SYT1: variants seen among roughly 807,000 people sequenced by gnomAD.
SYT1 encodes the protein synaptotagmin 1.
In SYT1, 8 loss-of-function variants were observed where a neutral mutation model predicts 44.8. That is an observed-to-expected ratio of 0.18 (90% CI 0.10 to 0.32). The LOEUF is 0.32. SYT1 is among the 10% of genes least tolerant of loss of function. The probability of loss-of-function intolerance (pLI) is 1.00; values close to 1 mark genes in which losing one functional copy is unlikely to be tolerated. For missense variants in SYT1, 286 were observed against 509.3 expected (o/e 0.56, Z 4.22); for synonymous variants, 154 against 188.8 (o/e 0.82, Z 1.51).
chr12:79,140,841 CT>C (rs923347398), intron 3 of SYT1, among the ~76,000 whole-genome samples: 5 of 152,222 alleles, frequency 3.3e-5, no homozygotes, highest in Non-Finnish European at 7.3e-5. Context: ...GCCAGCACCC[CT>C]GTGACCATTA....
chr12:79,191,778 C>T (rs1431110491), intron 3 of SYT1, among the ~76,000 whole-genome samples: 1 of 151,902 alleles, frequency 6.6e-6, no homozygotes, highest in Non-Finnish European at 1.5e-5. Context: ...TCCTTTAATC[C>T]TCATGTAACC....
chr12:79,295,335 G>A (rs933544761), intron 6 of SYT1, among the ~76,000 whole-genome samples: 2 of 151,958 alleles, frequency 1.3e-5, no homozygotes, highest in Non-Finnish European at 2.9e-5. Context: ...TAAGAAAACA[G>A]ACTTAAAGAA....
At chr12:79,180,756 A>G (rs779754044) in intron 3 of SYT1, among the ~76,000 whole-genome samples, 5 of 152,010 alleles carry the variant, frequency 3.3e-5, no homozygotes, top group Non-Finnish European at 5.9e-5. Flanking sequence ...TTCATGAGAA[A>G]TCACCCCTAT....
intron 3 of SYT1, among the ~76,000 whole-genome samples, chr12:79,121,498 T>A (rs939518370): frequency 6.6e-6 from 1 of 152,206 alleles, no homozygotes. Flanking sequence ...TGCTAGCCTC[T>A]CTCTGATTCT....
At chr12:79,303,433 T>A (rs976149998) in intron 8 of SYT1, among the ~76,000 whole-genome samples, 1 of 152,104 alleles carries the variant, frequency 6.6e-6, no homozygotes, top group East Asian at 1.9e-4. Context: ...CGCCCTGATA[T>A]GCTGCAAGCT....
intron 8 of SYT1, among the ~76,000 whole-genome samples, chr12:79,300,789 T>TTTTATTTATATA (rs1490670835): frequency 1.1e-4 from 10 of 89,610 alleles, no homozygotes; most frequent in African/African-American, 4.1e-4. Context: ...TGTATACTTA[T>TTTTATTTATATA]TATATATATA....
At chr12:79,118,349 T>G (rs998097844) in intron 3 of SYT1, among the ~76,000 whole-genome samples, 1 of 152,202 alleles carries the variant, frequency 6.6e-6, no homozygotes. Flanking sequence ...TTTCAAAGTT[T>G]GGGTTGTGCA....
intron 10 of SYT1, among the ~76,000 whole-genome samples, chr12:79,445,664 A>G (rs1870667182): frequency 6.6e-6 from 1 of 151,704 alleles, no homozygotes; most frequent in South Asian, 2.1e-4. Flanking sequence ...TCCATTGTGT[A>G]TATGTACCAC....
intron 1 of SYT1, among the ~76,000 whole-genome samples, chr12:78,876,830 G>A (rs1458013363): frequency 3.5e-4 from 8 of 23,108 alleles, no homozygotes; most frequent in African/African-American, 9.3e-4. Context: ...TATATTATAT[G>A]TATTATATAT....
At chr12:79,270,943 C>A (rs902446753) in intron 4 of SYT1, among the ~76,000 whole-genome samples, 10 of 152,208 alleles carry the variant, frequency 6.6e-5, no homozygotes, top group Non-Finnish European at 1.5e-4. Context: ...ATGCGTAGAA[C>A]CGCATAGAGC....
intron 3 of SYT1, among the ~76,000 whole-genome samples, chr12:79,112,460 G>T (rs141599151): frequency 5.7e-4 from 86 of 152,182 alleles, no homozygotes; most frequent in African/African-American, 2.0e-3. Context: ...TTCATAATTT[G>T]ATAAGCCATG....
At position 79,086,740 on chromosome 12, in the gene SYT1, T is replaced by C. The variant is rs73353556; in HGVS notation, c.-18+39378T>C. Among the ~76,000 whole-genome samples the C allele has an allele frequency of 7.9e-3, 1,198 of 152,272 alleles. 19 individuals are homozygous for C. Among genetic ancestry groups the C allele is most frequent in the African/African-American group, 0.027 (1,139 of 41,550 alleles). ...CAAATATCATTGGTGCAAGGTGCCT[T>C]TCTGTGTGCCTGGCTGAGCAGCTTC... is the stretch of plus-strand genomic sequence containing the variant. On this transcript the variant is annotated intron_variant, in intron 3 of 10. Transcript: ENST00000261205.
chr12:79,000,778 A>C (rs1345526648), intron 2 of SYT1, among the ~76,000 whole-genome samples: 1 of 151,858 alleles, frequency 6.6e-6, no homozygotes, highest in East Asian at 1.9e-4. Context: ...TGGGGAAGAA[A>C]CTTTTTTTTC....
intron 9 of SYT1, among the ~76,000 whole-genome samples, chr12:79,422,174 C>T (rs1307141548): frequency 5.3e-5 from 8 of 151,994 alleles, no homozygotes; most frequent in Non-Finnish European, 7.4e-5. Flanking sequence ...CTGTAACCTT[C>T]CTGGGGTTCT....
intron 1 of SYT1, among the ~76,000 whole-genome samples, chr12:78,905,230 G>A (rs1286440140): frequency 6.6e-6 from 1 of 152,074 alleles, no homozygotes; most frequent in East Asian, 1.9e-4. Flanking sequence ...AATTATCTGG[G>A]GCCAGCCCAT....
chr12:78,908,875 T>C (rs1290586394), intron 1 of SYT1, among the ~76,000 whole-genome samples: 1 of 151,920 alleles, frequency 6.6e-6, no homozygotes, highest in Non-Finnish European at 1.5e-5. Context: ...ATTGATCAGG[T>C]TCTGGGACAC....
chr12:79,286,005 G>A, intron 5 of SYT1, 34 bp downstream of exon 5: 3 of 1,561,448 alleles, frequency 1.9e-6, no homozygotes, highest in Non-Finnish European at 2.6e-6. Context: ...TTCTTATTTT[G>A]TTTAAAAAAG....
chr12:79,044,644 C>T (rs534014278), intron 2 of SYT1, among the ~76,000 whole-genome samples: 163 of 150,230 alleles, frequency 1.1e-3, no homozygotes, highest in Non-Finnish European at 1.8e-3. Context: ...AGTCATTCTC[C>T]ATCCAGCTTT....
At chr12:79,429,371 A>G (rs989950335) in intron 9 of SYT1, among the ~76,000 whole-genome samples, 2 of 144,536 alleles carry the variant, frequency 1.4e-5, no homozygotes, top group African/African-American at 5.1e-5. Context: ...CACGCCTGGC[A>G]AATTTTTGTA....
Sources: allele counts gnomAD v4.1 joint callset (sites outside exome capture counted in the v4.1 genomes callset), GRCh38; gene constraint gnomAD v4.1.1; transcripts MANE v1.5; gene names NCBI Gene and HGNC (gene_info 2026-07-23, HGNC 2026-07-21).